CIMAP1D: variants seen among roughly 807,000 people sequenced by gnomAD.
The protein encoded by CIMAP1D is protein CIMAP1D.
chr19:470,153 T>C, the CIMAP1D span, among the ~76,000 whole-genome samples: 1 of 151,458 alleles, frequency 6.6e-6, no homozygotes, highest in Non-Finnish European at 1.5e-5. Flanking sequence ...GGAGGTGTCC[T>C]GAGACTGGAT....
At chr19:463,816 C>T in the CIMAP1D span, 52 of 1,574,578 alleles carry the variant, frequency 3.3e-5, no homozygotes, top group African/African-American at 5.0e-4. Flanking sequence ...GCCAGCCCCC[C>T]GTTCACTGTG....
At chr19:487,416 T>C in the CIMAP1D span, among the ~76,000 whole-genome samples, 1 of 152,204 alleles carries the variant, frequency 6.6e-6, no homozygotes, top group Non-Finnish European at 1.5e-5. Context: ...TGCTGCTCAC[T>C]AGAATGTAAG....
At chr19:472,622 C>T in the CIMAP1D span, 1 of 618,212 alleles carries the variant, frequency 1.6e-6, no homozygotes, top group African/African-American at 1.9e-5. Context: ...GATTGGGGGC[C>T]CCGGGGAGCA....
chr19:465,099 G>T, the CIMAP1D span, among the ~76,000 whole-genome samples: 1 of 88,396 alleles, frequency 1.1e-5, no homozygotes, highest in African/African-American at 4.0e-5. Flanking sequence ...AGGTGGATGG[G>T]TGAGTGGGTG....
At chr19:474,912 G>A in the CIMAP1D span, 12 of 543,564 alleles carry the variant, frequency 2.2e-5, no homozygotes, top group South Asian at 5.4e-4. Flanking sequence ...CCGCAGCAGG[G>A]AGTCGTGGGG....
chr19:481,461 T>TG, the CIMAP1D span, among the ~76,000 whole-genome samples: 143 of 31,488 alleles, frequency 4.5e-3, 8 homozygotes, highest in African/African-American at 0.018. Flanking sequence ...GGAAGGATGA[T>TG]GGGAAGGATG....
chr19:471,246 TC>T, the CIMAP1D span, among the ~76,000 whole-genome samples: 1 of 152,114 alleles, frequency 6.6e-6, no homozygotes. Context: ...CCTCCCGGGT[TC>T]ACGCCATTCT....
chr19:481,451 G>GAAAA, the CIMAP1D span, among the ~76,000 whole-genome samples: 1 of 101,592 alleles, frequency 9.8e-6, no homozygotes, highest in African/African-American at 6.0e-5. Context: ...AGGATGATGG[G>GAAAA]GAAGGATGAT....
At chr19:491,606 C>T in the CIMAP1D span, among the ~76,000 whole-genome samples, 6 of 151,974 alleles carry the variant, frequency 3.9e-5, no homozygotes, top group East Asian at 7.7e-4. Context: ...CAGGCCTCGC[C>T]GCTTCCCCAG....
chr19:483,807 C>T, the CIMAP1D span, among the ~76,000 whole-genome samples: 1 of 152,204 alleles, frequency 6.6e-6, no homozygotes, highest in African/African-American at 2.4e-5. Flanking sequence ...ACTGTGTCCC[C>T]AGCTCCCCGG....
At chr19:486,741 C>T in the CIMAP1D span, among the ~76,000 whole-genome samples, 4,312 of 151,646 alleles carry the variant, frequency 0.028, 112 homozygotes, top group South Asian at 0.1. Flanking sequence ...AGTGAAACCC[C>T]GTCTCTACTA....
chr19:474,691 C>T, the CIMAP1D span: 2 of 1,572,552 alleles, frequency 1.3e-6, no homozygotes, highest in Admixed American at 1.8e-5. Flanking sequence ...CCGTCACTCG[C>T]CGGCCAAGGG....
At chr19:485,925 C>T in the CIMAP1D span, among the ~76,000 whole-genome samples, 2 of 151,798 alleles carry the variant, frequency 1.3e-5, no homozygotes, top group South Asian at 2.1e-4. Context: ...GTCCTTTGTC[C>T]GGCGGCCAGC....
At chr19:486,680 T>C in the CIMAP1D span, among the ~76,000 whole-genome samples, 16,047 of 151,310 alleles carry the variant, frequency 0.11, 1,473 homozygotes, top group East Asian at 0.42. Flanking sequence ...TTTGGGAGGC[T>C]GAGGCGAGCA....
At chr19:465,548 T>C in the CIMAP1D span, among the ~76,000 whole-genome samples, 15 of 137,658 alleles carry the variant, frequency 1.1e-4, no homozygotes, top group Non-Finnish European at 2.3e-4. Flanking sequence ...GGTGGGTGGA[T>C]GGATAGATGG....
chr19:479,414 G>GTT, the CIMAP1D span, among the ~76,000 whole-genome samples: 1 of 114,768 alleles, frequency 8.7e-6, no homozygotes, highest in Admixed American at 8.2e-5. Context: ...TTTTTTTTGG[G>GTT]GGGGGGGGGG....
At chr19:484,928 G>T in the CIMAP1D span, among the ~76,000 whole-genome samples, 1 of 152,184 alleles carries the variant, frequency 6.6e-6, no homozygotes, top group African/African-American at 2.4e-5. Context: ...AGGAAGGTGG[G>T]GGTAGGGAAG....
chr19:465,557 G>A, the CIMAP1D span, among the ~76,000 whole-genome samples: 335 of 146,460 alleles, frequency 2.3e-3, 3 homozygotes, highest in African/African-American at 8.2e-3. Context: ...ATGGATAGAT[G>A]GATGAGTGGA....
the CIMAP1D span, among the ~76,000 whole-genome samples, chr19:482,390 G>C: frequency 6.6e-6 from 1 of 152,252 alleles, no homozygotes; most frequent in Admixed American, 6.5e-5. Flanking sequence ...CTCAGCCATG[G>C]GTGTTGCTGC....
Sources: allele counts gnomAD v4.1 joint callset (sites outside exome capture counted in the v4.1 genomes callset), GRCh38; gene constraint gnomAD v4.1.1; transcripts MANE v1.5; gene names NCBI Gene and HGNC (gene_info 2026-07-23, HGNC 2026-07-21).